The following TFB1M variants were observed in gnomAD, a reference collection of about 807,000 sequenced individuals.
The protein encoded by TFB1M is transcription factor B1, mitochondrial.
TFB1M carries 27 observed loss-of-function variants against 31.1 expected under a neutral mutation model. The observed-to-expected ratio is 0.87, with a 90% CI of 0.64 to 1.20. The LOEUF is 1.20. TFB1M is among the 50% of genes most tolerant of loss of function. The probability of loss-of-function intolerance (pLI) is 0.00; values close to 1 mark genes in which losing one functional copy is unlikely to be tolerated. For missense variants in TFB1M, 394 were observed against 418.7 expected (o/e 0.94, Z 0.51); for synonymous variants, 166 against 151.8 (o/e 1.09, Z -0.69).
intron 2 of TFB1M, 104 bp downstream of exon 2, chr6:155,311,084 G>T: frequency 7.6e-7 from 1 of 1,320,476 alleles, no homozygotes; most frequent in Non-Finnish European, 1.1e-6. Context: ...CTATAGTTGA[G>T]GAAAAACCTA....
At chr6:155,293,827 A>G (rs1473278273) in intron 4 of TFB1M, among the ~76,000 whole-genome samples, 1 of 151,970 alleles carries the variant, frequency 6.6e-6, no homozygotes. Context: ...TTAGTTTTCT[A>G]TTTATTTATC....
intron 6 of TFB1M, among the ~76,000 whole-genome samples, chr6:155,259,251 G>A (rs953202863): frequency 3.9e-5 from 6 of 152,342 alleles, no homozygotes; most frequent in East Asian, 1.9e-4. Context: ...ACAGTAGCTG[G>A]GGGCTGCAGC....
At chr6:155,297,510 C>T (rs984031020) in intron 3 of TFB1M, among the ~76,000 whole-genome samples, 3 of 152,130 alleles carry the variant, frequency 2.0e-5, no homozygotes, top group Non-Finnish European at 4.4e-5. Context: ...TGAATGTCTG[C>T]AATACGTAGG....
At chr6:155,244,540 T>C in the TFB1M span, 1 of 1,285,282 alleles carries the variant, frequency 7.8e-7, no homozygotes, top group Non-Finnish European at 1.1e-6. Flanking sequence ...AAGGATTTAC[T>C]TTCTGTCTGC....
intron 4 of TFB1M, among the ~76,000 whole-genome samples, chr6:155,288,252 G>A (rs1776754543): frequency 6.6e-6 from 1 of 152,070 alleles, no homozygotes; most frequent in Non-Finnish European, 1.5e-5. Flanking sequence ...AAACTGTCTG[G>A]CTCTTGTCTG....
At chr6:155,308,540 C>G (rs1313829057) in intron 2 of TFB1M, among the ~76,000 whole-genome samples, 1 of 152,228 alleles carries the variant, frequency 6.6e-6, no homozygotes, top group Non-Finnish European at 1.5e-5. Context: ...AGTCACCCAA[C>G]TAGTAGTAGA....
At chr6:155,245,517 A>AT in the TFB1M span, 2 of 930,978 alleles carry the variant, frequency 2.1e-6, no homozygotes, top group East Asian at 2.4e-5. Context: ...TCTCCAAGGC[A>AT]TTAGTGCTAT....
In TFB1M at chr6:155,299,234, G is replaced by A. The variant is rs556454234; in HGVS notation, c.286-649C>T. The stretch of plus-strand genomic sequence containing the variant: ...TAGCTACTTCCCAACCTATTTCCAC[G>A]TACTAATCATTTGCTTTCTTTCCTT... On this transcript the variant is annotated intron_variant, in intron 2 of 6. Transcript: ENST00000367166. Among the ~76,000 whole-genome samples the A allele has an allele frequency of 7.2e-4, 109 of 152,070 alleles. 1 individual carries two copies. The highest frequency in any genetic ancestry group is 2.6e-3 in the African/African-American group (106 of 41,482).
At chr6:155,264,998 A>G (rs12524284) in intron 5 of TFB1M, among the ~76,000 whole-genome samples, 11,944 of 152,278 alleles carry the variant, frequency 0.078, 580 homozygotes, top group Non-Finnish European at 0.099. Context: ...TTTCTGTTAC[A>G]TTTAATCTGG....
chr6:155,233,776 T>C, the TFB1M span, among the ~76,000 whole-genome samples: 2 of 151,858 alleles, frequency 1.3e-5, no homozygotes, highest in African/African-American at 2.4e-5. Context: ...CTGGGCAACA[T>C]AGTGAGACCC....
intron 5 of TFB1M, chr6:155,276,218 G>A (rs757725806): frequency 1.1e-4 from 185 of 1,613,878 alleles, no homozygotes; most frequent in Non-Finnish European, 1.5e-4. Context: ...TATCTATATC[G>A]GATTCATTTC....
At chr6:155,276,395 A>G in intron 5 of TFB1M, 1 of 1,589,040 alleles carries the variant, frequency 6.3e-7, no homozygotes, top group Non-Finnish European at 8.6e-7. Flanking sequence ...TGAGTAATGC[A>G]TATGAAATGG....
intron 1 of TFB1M, 25 bp downstream of exon 1, chr6:155,314,259 TGGGGAGACATCC>T: frequency 1.2e-6 from 2 of 1,610,792 alleles, no homozygotes; most frequent in Non-Finnish European, 1.7e-6. Flanking sequence ...CCACGGACAC[TGGGGAGACATCC>T]GGGGAGCACT....
chr6:155,277,826 C>T (rs977410688), intron 5 of TFB1M, among the ~76,000 whole-genome samples: 2 of 152,132 alleles, frequency 1.3e-5, no homozygotes, highest in African/African-American at 4.8e-5. Flanking sequence ...TGATTTCATG[C>T]AAATTAATGT....
downstream of TFB1M, among the ~76,000 whole-genome samples, chr6:155,252,230 C>A (rs1783705940): frequency 6.6e-6 from 1 of 152,180 alleles, no homozygotes. Flanking sequence ...TGCCTGTAAT[C>A]TCAGCACTTT....
At chr6:155,247,857 C>G in the TFB1M span, 1 of 1,055,398 alleles carries the variant, frequency 9.5e-7, no homozygotes, top group Non-Finnish European at 1.4e-6. Context: ...GGGTGCCTGA[C>G]CCACTGATGT....
intron 5 of TFB1M, among the ~76,000 whole-genome samples, chr6:155,265,735 T>C (rs539043980): frequency 1.5e-3 from 204 of 140,512 alleles, no homozygotes; most frequent in African/African-American, 5.3e-3. Context: ...TATAAATATA[T>C]ATTATATATA....
chr6:155,299,493 C>T (rs1347118323), intron 2 of TFB1M: 1 of 152,126 alleles, frequency 6.6e-6, no homozygotes, highest in African/African-American at 2.4e-5. Context: ...AGTCTCTGAG[C>T]TTATAAATTT....
chr6:155,241,078 G>A, the TFB1M span, among the ~76,000 whole-genome samples: 1 of 152,184 alleles, frequency 6.6e-6, no homozygotes, highest in Admixed American at 6.5e-5. Flanking sequence ...CATACGTGAC[G>A]GCTGATCCAG....
Sources: gnomAD v4.1 joint callset for allele counts (sites outside exome capture counted in the v4.1 genomes callset) on GRCh38, gnomAD v4.1.1 for gene constraint, MANE v1.5 for transcripts, NCBI Gene and HGNC (gene_info 2026-07-23, HGNC 2026-07-21) for gene names.